The following RP1 variants were observed in gnomAD, a reference collection of about 807,000 sequenced individuals.
The protein encoded by RP1 is oxygen-regulated protein 1.
A neutral mutation model predicts 14.8 loss-of-function variants in RP1; 16 were observed. The ratio of observed to expected loss-of-function variants is 1.08; its 90% CI spans 0.73 to 1.65. RP1 has a LOEUF of 1.65. Ranked by LOEUF, RP1 falls within the 40% of genes most tolerant of loss-of-function variation. The probability of loss-of-function intolerance (pLI) is 0.00; values close to 1 mark genes in which losing one functional copy is unlikely to be tolerated. For synonymous variants in RP1, 876 were observed against 883.6 expected, an observed-to-expected ratio of 0.99 and a Z score of 0.15; for missense variants, 2,631 against 2,535.0, an observed-to-expected ratio of 1.04 and a Z score of -0.81.
intron 1 of RP1, among the ~76,000 whole-genome samples, chr8:54,585,800 G>T (rs1804907097): frequency 6.6e-6 from 1 of 152,180 alleles, no homozygotes; most frequent in Non-Finnish European, 1.5e-5. Flanking sequence ...GGCTACTGAG[G>T]CTTGTGCATT....
At chr8:54,649,616 T>G (rs142145610) in intron 4 of RP1, among the ~76,000 whole-genome samples, 10 of 152,334 alleles carry the variant, frequency 6.6e-5, no homozygotes, top group African/African-American at 2.2e-4. Flanking sequence ...GGGAGACCAG[T>G]GCCATGTTGT....
At chr8:54,851,514 GT>G (rs1257596861) in intron 25 of RP1, among the ~76,000 whole-genome samples, 1 of 152,172 alleles carries the variant, frequency 6.6e-6, no homozygotes, top group Non-Finnish European at 1.5e-5. Context: ...TTTAGGAGAA[GT>G]TTTCACTTAA....
Position 54,711,202 on chromosome 8 carries a change from G to A in RP1, c.2211+4547G>A, listed in dbSNP as rs564145537. 5.9e-5 allele frequency among the ~76,000 whole-genome samples: 9 copies of A among 152,138 alleles called. No homozygotes were observed. In the South Asian group the frequency reaches 1.5e-3, roughly 25 times the overall value. ...CATTTGTAAAAATCTTTAGCTTAAC[G>A]TTAAGGTTTTGAAGATCTTCCTGGC... On this transcript the variant is annotated intron_variant, in intron 15 of 22. Coordinates refer to the RP1 transcript ENST00000636932.
At chr8:54,821,227 G>A (rs969644626) in intron 24 of RP1, among the ~76,000 whole-genome samples, 2 of 152,126 alleles carry the variant, frequency 1.3e-5, no homozygotes, top group Non-Finnish European at 2.9e-5. Context: ...TCAAAAATAT[G>A]ATTGCAACAA....
At chr8:54,670,671 T>TTATATATATATATATA (rs375877155) in intron 7 of RP1, among the ~76,000 whole-genome samples, 2 of 62,566 alleles carry the variant, frequency 3.2e-5, no homozygotes, top group African/African-American at 1.4e-4. Flanking sequence ...ATATATGTTT[T>TTATATATATATATATA]TATATATATA....
At chr8:54,716,254 T>A (rs1011855734) in intron 15 of RP1, among the ~76,000 whole-genome samples, 9 of 152,236 alleles carry the variant, frequency 5.9e-5, no homozygotes, top group Non-Finnish European at 1.3e-4. Context: ...TTAGTTTGAC[T>A]GATGGATTTC....
At chr8:54,845,935 A>G (rs1811907732) in intron 25 of RP1, among the ~76,000 whole-genome samples, 1 of 152,214 alleles carries the variant, frequency 6.6e-6, no homozygotes, top group African/African-American at 2.4e-5. Context: ...ATTTATAGAC[A>G]CATATAGAAG....
intron 19 of RP1, among the ~76,000 whole-genome samples, chr8:54,749,862 CT>C (rs76358471): frequency 3.0e-3 from 423 of 139,482 alleles, no homozygotes; most frequent in Middle Eastern, 3.7e-3. Flanking sequence ...TTGGAGGTTT[CT>C]TTTTTTTTTT....
chr8:54,643,377 C>T (rs1350707958), intron 3 of RP1, among the ~76,000 whole-genome samples: 3 of 152,170 alleles, frequency 2.0e-5, no homozygotes, highest in Admixed American at 6.5e-5. Context: ...ATTCCTGGCC[C>T]TAGGAAAGAA....
intron 24 of RP1, among the ~76,000 whole-genome samples, chr8:54,798,911 A>G (rs1421040307): frequency 6.6e-6 from 1 of 152,074 alleles, no homozygotes; most frequent in African/African-American, 2.4e-5. Context: ...ATGTTAACAT[A>G]TACAATATTT....
intron 19 of RP1, among the ~76,000 whole-genome samples, chr8:54,739,732 G>A (rs1809024594): frequency 6.6e-6 from 1 of 151,472 alleles, no homozygotes; most frequent in South Asian, 2.1e-4. Flanking sequence ...CACACACATA[G>A]CACATATATA....
chr8:54,647,585 C>A (rs2129324706), intron 3 of RP1, among the ~76,000 whole-genome samples: 1 of 152,078 alleles, frequency 6.6e-6, no homozygotes, highest in South Asian at 2.1e-4. Context: ...GAGTAGAATG[C>A]CATTTAAGTC....
At chr8:54,716,558 C>T (rs1199596700) in intron 15 of RP1, among the ~76,000 whole-genome samples, 1 of 152,084 alleles carries the variant, frequency 6.6e-6, no homozygotes, top group Non-Finnish European at 1.5e-5. Context: ...ATATTATAAT[C>T]AGAGCATTTT....
intron 1 of RP1, among the ~76,000 whole-genome samples, chr8:54,586,785 C>A (rs1191155028): frequency 1.3e-5 from 2 of 152,314 alleles, no homozygotes; most frequent in South Asian, 2.1e-4. Flanking sequence ...GGCATAGGAC[C>A]CTCCAAGCCA....
At chr8:54,604,297 A>G (rs922016742) in intron 1 of RP1, among the ~76,000 whole-genome samples, 2 of 152,084 alleles carry the variant, frequency 1.3e-5, no homozygotes, top group Non-Finnish European at 2.9e-5. Context: ...TGAGATAATC[A>G]TGTGGTTTTT....
intron 1 of RP1, among the ~76,000 whole-genome samples, chr8:54,580,005 C>T (rs575452768): frequency 1.1e-4 from 17 of 152,272 alleles, no homozygotes; most frequent in African/African-American, 4.1e-4. Flanking sequence ...CAGGTACCAA[C>T]AAACCCTGAC....
intron 23 of RP1, among the ~76,000 whole-genome samples, chr8:54,782,637 C>T (rs761201242): frequency 6.6e-6 from 1 of 152,112 alleles, no homozygotes; most frequent in Non-Finnish European, 1.5e-5. Context: ...ACTGGCAGGA[C>T]TTTGTCCTTT....
At chr8:54,706,923 G>A (rs1024765201) in intron 15 of RP1, among the ~76,000 whole-genome samples, 2 of 152,100 alleles carry the variant, frequency 1.3e-5, no homozygotes, top group Admixed American at 6.5e-5. Flanking sequence ...GATTGAGGAA[G>A]GCTGGCGTGG....
chr8:54,814,876 A>T (rs956916825), intron 24 of RP1, among the ~76,000 whole-genome samples: 9 of 152,210 alleles, frequency 5.9e-5, no homozygotes, highest in African/African-American at 2.2e-4. Flanking sequence ...TCCCCACCGA[A>T]TGCCACCACC....
Sources: allele counts gnomAD v4.1 joint callset (sites outside exome capture counted in the v4.1 genomes callset), GRCh38; gene constraint gnomAD v4.1.1; transcripts MANE v1.5; gene names NCBI Gene and HGNC (gene_info 2026-07-23, HGNC 2026-07-21).